The following SLC16A9 variants were observed in gnomAD, a reference collection of about 807,000 sequenced individuals.
SLC16A9 encodes solute carrier family 16 member 9, also known as monocarboxylate transporter 9.
A neutral mutation model predicts 44.3 loss-of-function variants in SLC16A9; 26 were observed. That is an observed-to-expected ratio of 0.59 (90% CI 0.43 to 0.81). The LOEUF (loss-of-function observed/expected upper bound fraction) is 0.81. Among genes scored for constraint, SLC16A9 ranks in the 40% least tolerant of loss-of-function variants. SLC16A9 has a pLI of 0.00. For missense variants in SLC16A9, 559 were observed against 595.8 expected (o/e 0.94, Z 0.64); for synonymous variants, 230 against 225.1 (o/e 1.02, Z -0.19).
At chr10:59,689,627 C>G (rs903147994) in intron 1 of SLC16A9, among the ~76,000 whole-genome samples, 1 of 152,148 alleles carries the variant, frequency 6.6e-6, no homozygotes, top group East Asian at 1.9e-4. Context: ...CTAGAGATAC[C>G]GAAGCCTGGT....
At chr10:59,687,899 A>G (rs1403516638) in intron 1 of SLC16A9, among the ~76,000 whole-genome samples, 1 of 151,794 alleles carries the variant, frequency 6.6e-6, no homozygotes, top group African/African-American at 2.4e-5. Context: ...GTTTGAGGTT[A>G]CAGTGAGCAG....
intron 3 of SLC16A9, among the ~76,000 whole-genome samples, chr10:59,669,251 C>T (rs141546793): frequency 1.7e-3 from 264 of 152,306 alleles, no homozygotes; most frequent in Middle Eastern, 0.01. Context: ...TGCACCACCA[C>T]CTCCTACCCA....
chr10:59,697,962 T>TAAAAAAAAAA (rs34931109), intron 1 of SLC16A9, among the ~76,000 whole-genome samples: 1 of 136,098 alleles, frequency 7.3e-6, no homozygotes, highest in African/African-American at 2.7e-5. Flanking sequence ...GGGCACACAG[T>TAAAAAAAAAA]AAAAAAAAAA....
chr10:59,663,114 C>T (rs973830779), intron 4 of SLC16A9, among the ~76,000 whole-genome samples: 1 of 152,110 alleles, frequency 6.6e-6, no homozygotes, highest in Non-Finnish European at 1.5e-5. Flanking sequence ...AATCCCAGCA[C>T]TTTGGGAGGC....
chr10:59,661,621 T>A (rs1001050496), intron 4 of SLC16A9, among the ~76,000 whole-genome samples: 8 of 152,182 alleles, frequency 5.3e-5, no homozygotes, highest in Non-Finnish European at 1.2e-4. Context: ...TACCATTGAC[T>A]TTCTTCACAG....
intron 2 of SLC16A9, among the ~76,000 whole-genome samples, chr10:59,682,602 T>A (rs1840047798): frequency 6.6e-6 from 1 of 152,206 alleles, no homozygotes; most frequent in South Asian, 2.1e-4. Flanking sequence ...ATTTTAATTA[T>A]CCTTTGACCC....
chr10:59,666,285 C>A (rs1459292683), intron 3 of SLC16A9, among the ~76,000 whole-genome samples: 1 of 142,324 alleles, frequency 7.0e-6, no homozygotes, highest in Non-Finnish European at 1.5e-5. Flanking sequence ...GGCAACAGAG[C>A]GAGACTCTGT....
At chr10:59,697,530 G>C (rs975124127) in intron 1 of SLC16A9, among the ~76,000 whole-genome samples, 7 of 150,964 alleles carry the variant, frequency 4.6e-5, no homozygotes, top group African/African-American at 1.7e-4. Flanking sequence ...GATGCTTGAA[G>C]GCAGCATGCT....
intron 4 of SLC16A9, among the ~76,000 whole-genome samples, chr10:59,662,769 G>A (rs182072184): frequency 6.6e-6 from 1 of 151,996 alleles, no homozygotes; most frequent in East Asian, 1.9e-4. Context: ...TCTCATGCCA[G>A]TTAGAATGGC....
At chr10:59,707,072 C>T (rs1207617288) in intron 1 of SLC16A9, among the ~76,000 whole-genome samples, 2 of 146,920 alleles carry the variant, frequency 1.4e-5, no homozygotes, top group Non-Finnish European at 3.0e-5. Flanking sequence ...GGAACCATGG[C>T]GAAACCCCAT....
intron 1 of SLC16A9, among the ~76,000 whole-genome samples, chr10:59,691,574 AATTAGATTATC>A (rs1442875990): frequency 4.6e-5 from 7 of 152,186 alleles, no homozygotes; most frequent in Non-Finnish European, 8.8e-5. Flanking sequence ...TATTCAACAA[AATTAGATTATC>A]ATTAGTAGAA....
chr10:59,672,622 G>A, intron 3 of SLC16A9, 148 bp downstream of exon 3: 1 of 808,450 alleles, frequency 1.2e-6, no homozygotes, highest in Non-Finnish European at 1.9e-6. Flanking sequence ...TTTCACTAAA[G>A]CAACAGTTTT....
At chr10:59,698,139 A>G (rs1840443176) in intron 1 of SLC16A9, among the ~76,000 whole-genome samples, 1 of 152,244 alleles carries the variant, frequency 6.6e-6, no homozygotes, top group Admixed American at 6.5e-5. Context: ...TTCTAGAACA[A>G]CAACTGGTTA....
intron 3 of SLC16A9, 79 bp from the exon 4 acceptor site, chr10:59,664,401 C>G (rs1839560036): frequency 1.1e-6 from 1 of 900,672 alleles, no homozygotes; most frequent in African/African-American, 1.7e-5. Flanking sequence ...ACAAGTATGT[C>G]CGATAAGACA....
intron 1 of SLC16A9, among the ~76,000 whole-genome samples, chr10:59,695,415 T>C (rs1014316237): frequency 6.6e-6 from 1 of 152,368 alleles, no homozygotes; most frequent in East Asian, 1.9e-4. Context: ...TGAATTTTAC[T>C]GGATGTAGGT....
intron 3 of SLC16A9, among the ~76,000 whole-genome samples, chr10:59,668,440 TAA>T: frequency 6.6e-6 from 1 of 152,188 alleles, no homozygotes; most frequent in Non-Finnish European, 1.5e-5. Context: ...AGCGCAAGCA[TAA>T]ATTAAGCATG....
intron 1 of SLC16A9, among the ~76,000 whole-genome samples, chr10:59,685,977 C>T (rs1588985318): frequency 7.1e-6 from 1 of 140,940 alleles, no homozygotes; most frequent in Non-Finnish European, 1.5e-5. Flanking sequence ...GCATTTCTTT[C>T]TTTTTTTTTT....
intron 2 of SLC16A9, among the ~76,000 whole-genome samples, chr10:59,673,459 A>C (rs1286851067): frequency 1.3e-5 from 2 of 152,230 alleles, no homozygotes; most frequent in African/African-American, 2.4e-5. Context: ...AACTTAATGT[A>C]CTAGAAATAA....
chr10:59,665,218 T>C (rs1253823596), intron 3 of SLC16A9, among the ~76,000 whole-genome samples: 1 of 152,200 alleles, frequency 6.6e-6, no homozygotes, highest in Non-Finnish European at 1.5e-5. Context: ...CCTCAGTCAT[T>C]TACTTTATGC....
Sources: allele counts gnomAD v4.1 joint callset (sites outside exome capture counted in the v4.1 genomes callset), GRCh38; gene constraint gnomAD v4.1.1; transcripts MANE v1.5; gene names NCBI Gene and HGNC (gene_info 2026-07-23, HGNC 2026-07-21).